PRIM2: variants seen among roughly 807,000 people sequenced by gnomAD.
The protein encoded by PRIM2 is DNA primase subunit 2.
PRIM2 carries 39 observed loss-of-function variants against 67.3 expected under a neutral mutation model. That is an observed-to-expected ratio of 0.58 (90% CI 0.45 to 0.76). PRIM2 has a LOEUF of 0.76. Ranked by LOEUF, PRIM2 falls within the 30% of genes least tolerant of loss-of-function variation. The pLI, the probability that PRIM2 is intolerant of heterozygous loss-of-function variation, is 0.00. For synonymous variants in PRIM2, 143 were observed against 198.7 expected, an observed-to-expected ratio of 0.72 and a Z score of 2.36; for missense variants, 398 against 598.7, an observed-to-expected ratio of 0.66 and a Z score of 3.50.
At chr6:57,500,035 T>G (rs1192737966) in intron 7 of PRIM2, among the ~76,000 whole-genome samples, 1 of 152,256 alleles carries the variant, frequency 6.6e-6, no homozygotes, top group East Asian at 1.9e-4. Context: ...TTCCTTCATT[T>G]CCCACCTTCC....
chr6:57,507,269 C>A (rs1289390885), intron 7 of PRIM2, 118 bp from the exon 8 acceptor site: 2 of 823,470 alleles, frequency 2.4e-6, no homozygotes, highest in Non-Finnish European at 1.8e-6. Context: ...AGAAATAGAA[C>A]CTTATATTTT....
At chr6:57,434,369 T>C (rs1361181277) in intron 7 of PRIM2, among the ~76,000 whole-genome samples, 2 of 152,136 alleles carry the variant, frequency 1.3e-5, no homozygotes, top group Non-Finnish European at 2.9e-5. Context: ...TAATGCTTTA[T>C]TGAAACTCCT....
chr6:57,430,447 G>GTTTTTTTTT (rs71687266), intron 7 of PRIM2, among the ~76,000 whole-genome samples: 12 of 78,136 alleles, frequency 1.5e-4, no homozygotes, highest in Non-Finnish European at 2.2e-4. Context: ...TTCTTTCTTT[G>GTTTTTTTTT]TTTTTTTTTT....
chr6:57,337,254 A>G (rs1389344659), intron 5 of PRIM2, among the ~76,000 whole-genome samples: 2 of 151,906 alleles, frequency 1.3e-5, no homozygotes, highest in East Asian at 3.9e-4. Context: ...CCCACACATT[A>G]ATAATGGGAG....
At chr6:57,296,609 G>T in the PRIM2 span, among the ~76,000 whole-genome samples, 1 of 151,648 alleles carries the variant, frequency 6.6e-6, no homozygotes, top group Non-Finnish European at 1.5e-5. Context: ...GGTAGTGGGT[G>T]GTGGTGGTGG....
chr6:57,614,127 C>T (rs1776712278), intron 12 of PRIM2, among the ~76,000 whole-genome samples: 1 of 152,184 alleles, frequency 6.6e-6, no homozygotes, highest in Non-Finnish European at 1.5e-5. Flanking sequence ...TGCCTGAGCC[C>T]CACCTCCTGT....
At position 57,320,480 on chromosome 6, in the gene PRIM2, G is replaced by C. The variant is rs1208319225; in HGVS notation, c.178G>C (p.Gly60Arg). 3.7e-6 allele frequency: 6 copies of C among 1,605,390 alleles called. No individual in the cohort carries two copies. Among genetic ancestry groups the C allele is most frequent in the Non-Finnish European group, 5.1e-6 (6 of 1,177,130 alleles). Residue 60 changes from glycine (G) to arginine (R), a missense_variant, in exon 3 of 14, where the codon GGA (glycine) becomes CGA (arginine). By Grantham distance (125) the Gly-to-Arg change is moderately radical. This residue lies in a region of PRIM2 where 96 missense variants were observed against 98.3 expected (regional missense o/e 0.98). Transcript: ENST00000615550. ...AGTGTTAAAATCAGTTGAAAATCTT[G>C]GAGTGAGCTATGTGAAAGGAACTGA... ...VKLLKSVENLGVSYVKGTEQY... is the reference protein window; with the variant it reads ...VKLLKSVENLRVSYVKGTEQY...
the PRIM2 span, among the ~76,000 whole-genome samples, chr6:57,269,707 T>C: frequency 3.9e-5 from 6 of 152,184 alleles, no homozygotes; most frequent in Admixed American, 3.9e-4. Context: ...TCCTTGCCCA[T>C]GCCTCTGTCC....
chr6:57,412,367 G>A (rs1198416713), intron 7 of PRIM2, among the ~76,000 whole-genome samples: 13 of 152,110 alleles, frequency 8.5e-5, no homozygotes, highest in Non-Finnish European at 1.2e-4. Flanking sequence ...TACCCTGTTA[G>A]CAATTTTCTA....
chr6:57,328,345 C>A (rs1456034416), intron 5 of PRIM2, among the ~76,000 whole-genome samples: 1 of 152,302 alleles, frequency 6.6e-6, no homozygotes, highest in East Asian at 1.9e-4. Context: ...CATTTATGGT[C>A]ATTCCCTATT....
At chr6:57,371,862 T>G (rs945626348) in intron 5 of PRIM2, among the ~76,000 whole-genome samples, 11 of 152,226 alleles carry the variant, frequency 7.2e-5, no homozygotes, top group African/African-American at 2.4e-4. Flanking sequence ...TTTTCTGCAT[T>G]GTGTGTCTGG....
chr6:57,465,808 C>T (rs1191120050), intron 7 of PRIM2, among the ~76,000 whole-genome samples: 64 of 151,336 alleles, frequency 4.2e-4, no homozygotes, highest in African/African-American at 1.5e-3. Context: ...ATTTTTTTTT[C>T]TTGATAATGA....
chr6:57,292,820 C>A, the PRIM2 span, among the ~76,000 whole-genome samples: 5 of 152,280 alleles, frequency 3.3e-5, no homozygotes, highest in Middle Eastern at 6.8e-3. Context: ...CTTCCTTACA[C>A]CTTATAGAAA....
chr6:57,233,029 ATTC>A, the PRIM2 span, among the ~76,000 whole-genome samples: 1 of 152,210 alleles, frequency 6.6e-6, no homozygotes, highest in South Asian at 2.1e-4. Flanking sequence ...ATATTTTCTA[ATTC>A]TTCTTTCTCT....
rs1323930372 is a variant in PRIM2, at chr6:57,613,559, T to C, written c.1230+7102T>C. ...AGTACCTAGCATAGTATCTGATCCA[T>C]GTTAGGAACTGTGAAGGATCTGAGA... On this transcript the variant is annotated intron_variant, in intron 12 of 13. Transcript: ENST00000615550. 3.3e-5 allele frequency among the ~76,000 whole-genome samples: 5 copies of C among 152,220 alleles called. No homozygotes were observed. The South Asian group carries it at 6.2e-4, about 19-fold the overall frequency.
At chr6:57,311,569 C>T (rs897106967), upstream of PRIM2, among the ~76,000 whole-genome samples, 4 of 152,038 alleles carry the variant, frequency 2.6e-5, no homozygotes, top group Non-Finnish European at 5.9e-5. Flanking sequence ...AGAGGGGCTC[C>T]TTACATCCCA....
intron 7 of PRIM2, among the ~76,000 whole-genome samples, chr6:57,470,595 A>C (rs1161086517): frequency 4.6e-5 from 7 of 151,308 alleles, no homozygotes; most frequent in African/African-American, 1.7e-4. Flanking sequence ...GACTTTGAGA[A>C]ACCCCAAATC....
At chr6:57,531,196 A>G (rs1361957259) in intron 8 of PRIM2, among the ~76,000 whole-genome samples, 1 of 152,166 alleles carries the variant, frequency 6.6e-6, no homozygotes, top group Non-Finnish European at 1.5e-5. Flanking sequence ...TCTATAGCCT[A>G]GGCTCGAATG....
the PRIM2 span, among the ~76,000 whole-genome samples, chr6:57,228,318 C>T: frequency 1.3e-5 from 2 of 152,308 alleles, no homozygotes; most frequent in South Asian, 4.1e-4. Flanking sequence ...TAGTTTGATG[C>T]ACTTGCAAAT....
Sources: gnomAD v4.1 joint callset for allele counts (sites outside exome capture counted in the v4.1 genomes callset) on GRCh38, gnomAD v4.1.1 for gene constraint, gnomAD v4.1.1 regional missense constraint, MANE v1.5 for transcripts, NCBI Gene and HGNC (gene_info 2026-07-23, HGNC 2026-07-21) for gene names.